ZSWIM5: variants seen among roughly 807,000 people sequenced by gnomAD.
ZSWIM5 encodes the protein zinc finger SWIM-type containing 5.
A neutral mutation model predicts 119.6 loss-of-function variants in ZSWIM5; 55 were observed. The ratio of observed to expected loss-of-function variants is 0.46; its 90% CI spans 0.37 to 0.58. The LOEUF is 0.58. Among genes scored for constraint, ZSWIM5 ranks in the 20% least tolerant of loss-of-function variants. ZSWIM5 has a pLI of 0.00. For synonymous variants in ZSWIM5, 537 were observed against 606.9 expected (o/e 0.88, Z 1.69); for missense variants, 1,193 against 1,512.8 (o/e 0.79, Z 3.51).
At chr1:45,092,551 C>CT (rs1322708379) in intron 1 of ZSWIM5, among the ~76,000 whole-genome samples, 1 of 121,560 alleles carries the variant, frequency 8.2e-6, no homozygotes, top group African/African-American at 3.1e-5. Context: ...CCCCCCCCCC[C>CT]GCCAGCCTTA....
intron 1 of ZSWIM5, among the ~76,000 whole-genome samples, chr1:45,191,541 C>T (rs762719353): frequency 9.9e-5 from 15 of 152,234 alleles, no homozygotes; most frequent in Non-Finnish European, 2.2e-4. Context: ...ATCCCAGCTG[C>T]AGAGCTCCCC....
Position 45,088,228 on chromosome 1 carries a change from A to C in ZSWIM5, c.605T>G (p.Leu202Arg), listed in dbSNP as rs751380301. ...VENVLQVGFH[L>R]SGTVTELATA... ...GGCCAGCTCAGTTACTGTGCCACTC[A>C]GATGAAAGCCTAAGGAAACACAAAA... The change falls in exon 2 of 14, where the codon CTG (leucine) becomes CGG (arginine). Residue 202 changes from leucine (L) to arginine (R), a missense_variant. Physicochemically the swap from Leu to Arg is moderately radical, Grantham distance 102 (BLOSUM62 -2). This residue lies in a region of ZSWIM5 where 961 missense variants were observed against 1,290.0 expected (regional missense o/e 0.74). Transcript: ENST00000359600. This position sits in a 1 kb window ranked among gnomAD's most constrained non-coding sequence, Gnocchi z 4.2. 2 of 1,593,230 alleles carry C rather than the reference A, an allele frequency of 1.3e-6. No homozygotes were observed. Among genetic ancestry groups the C allele is most frequent in the Non-Finnish European group, 1.7e-6 (2 of 1,168,460 alleles).
chr1:45,079,061 C>T (rs994369786), intron 2 of ZSWIM5, among the ~76,000 whole-genome samples: 11 of 152,166 alleles, frequency 7.2e-5, no homozygotes, highest in African/African-American at 2.2e-4. Flanking sequence ...TGAAAATGGC[C>T]GGTCCCTGCC....
chr1:45,149,746 T>C (rs1645784912), intron 1 of ZSWIM5, among the ~76,000 whole-genome samples: 2 of 152,212 alleles, frequency 1.3e-5, no homozygotes, highest in South Asian at 4.1e-4. Context: ...ATAACATCTA[T>C]CTTCATAATA....
intron 1 of ZSWIM5, among the ~76,000 whole-genome samples, chr1:45,200,477 C>T (rs1023051056): frequency 3.9e-4 from 59 of 151,686 alleles, no homozygotes; most frequent in Admixed American, 2.8e-3. Flanking sequence ...AATTGTAAAC[C>T]ATAGTAATTT....
At chr1:45,065,458 G>A (rs2149002429) in intron 2 of ZSWIM5, among the ~76,000 whole-genome samples, 1 of 152,300 alleles carries the variant, frequency 6.6e-6, no homozygotes, top group South Asian at 2.1e-4. Context: ...GAGAACATTT[G>A]GCACCCAGGT....
At chr1:45,069,058 T>TG (rs1425754419) in intron 2 of ZSWIM5, among the ~76,000 whole-genome samples, 1 of 151,894 alleles carries the variant, frequency 6.6e-6, no homozygotes, top group Admixed American at 6.6e-5. Flanking sequence ...GCGATCCTCC[T>TG]GCTTTGACCT....
intron 5 of ZSWIM5, among the ~76,000 whole-genome samples, chr1:45,049,452 GCTTTA>G (rs1449423705): frequency 6.6e-6 from 1 of 152,130 alleles, no homozygotes; most frequent in Non-Finnish European, 1.5e-5. Context: ...ATCTGAGAAG[GCTTTA>G]GAAGCAGCAA....
At chr1:45,042,757 C>G (rs565415122) in intron 6 of ZSWIM5, among the ~76,000 whole-genome samples, 1 of 152,148 alleles carries the variant, frequency 6.6e-6, no homozygotes, top group East Asian at 1.9e-4. Flanking sequence ...TTATCATGAA[C>G]GAAGGTAGGA....
chr1:45,129,156 T>TG (rs1570129434), intron 1 of ZSWIM5, among the ~76,000 whole-genome samples: 1 of 132,466 alleles, frequency 7.5e-6, no homozygotes, highest in East Asian at 2.0e-4. Flanking sequence ...ACATCTTGTT[T>TG]TTTTTTTTTT....
At chr1:45,049,906 A>G (rs1570026702) in intron 5 of ZSWIM5, among the ~76,000 whole-genome samples, 1 of 152,352 alleles carries the variant, frequency 6.6e-6, no homozygotes, top group South Asian at 2.1e-4. Flanking sequence ...AGGAAAGGGT[A>G]AAGAAGTGGC....
At chr1:45,154,491 G>C (rs868554135) in intron 1 of ZSWIM5, among the ~76,000 whole-genome samples, 2 of 152,206 alleles carry the variant, frequency 1.3e-5, no homozygotes, top group South Asian at 2.1e-4. Context: ...ATAAAGTGAG[G>C]AAAGGACACC....
At chr1:45,178,191 T>G (rs1645992526) in intron 1 of ZSWIM5, among the ~76,000 whole-genome samples, 1 of 151,970 alleles carries the variant, frequency 6.6e-6, no homozygotes, top group Admixed American at 6.6e-5. Flanking sequence ...TTTCGGAGGC[T>G]GAGGCAAGCG....
chr1:45,018,902 G>C lies in ZSWIM5; in HGVS notation c.3110C>G (p.Pro1037Arg). The part of the protein sequence containing the change: ...LNLAYNQDTH[P>R]AINDVLWACA... Reference sequence around the variant, plus strand: ...AGCCCAGAGCACATCATTGATGGCTGGGTGAGTATCCTGGTTGTAGGCCAG... The same window carrying C: ...AGCCCAGAGCACATCATTGATGGCTCGGTGAGTATCCTGGTTGTAGGCCAG... The change falls in exon 14 of 14, where the codon CCA (proline) becomes CGA (arginine). Residue 1037 changes from proline to arginine, a missense_variant. Coordinates refer to ENST00000359600, the MANE Select transcript of ZSWIM5 (RefSeq NM_020883.2). This position sits in a 1 kb window ranked among gnomAD's most constrained non-coding sequence, Gnocchi z 6.7. 6.2e-7 allele frequency: 1 copy of C among 1,614,246 alleles called. No individual in the cohort carries two copies. Among genetic ancestry groups the C allele is most frequent in the Non-Finnish European group, 8.5e-7 (1 of 1,180,042 alleles).
chr1:45,134,314 TATAA>T (rs1487383733), intron 1 of ZSWIM5, among the ~76,000 whole-genome samples: 4 of 152,230 alleles, frequency 2.6e-5, no homozygotes, highest in African/African-American at 9.6e-5. Context: ...TTTACATTAA[TATAA>T]ATAAATAACT....
chr1:45,156,096 A>G (rs548620099), intron 1 of ZSWIM5, among the ~76,000 whole-genome samples: 19 of 152,172 alleles, frequency 1.2e-4, no homozygotes, highest in Non-Finnish European at 2.2e-4. Context: ...AACATGGTAT[A>G]TATACACCAT....
chr1:45,121,349 CTCTTAT>C (rs1465834857), intron 1 of ZSWIM5, among the ~76,000 whole-genome samples: 2 of 152,148 alleles, frequency 1.3e-5, no homozygotes, highest in African/African-American at 4.8e-5. Context: ...TCTCTGTAGG[CTCTTAT>C]TCCTCTGCCT....
chr1:45,069,361 G>A (rs1289180045), intron 2 of ZSWIM5, among the ~76,000 whole-genome samples: 1 of 151,624 alleles, frequency 6.6e-6, no homozygotes, highest in Non-Finnish European at 1.5e-5. Flanking sequence ...GGGAGGCGGA[G>A]CTTGCAGTGA....
intron 2 of ZSWIM5, among the ~76,000 whole-genome samples, chr1:45,077,818 A>G (rs995617616): frequency 6.6e-6 from 1 of 152,216 alleles, no homozygotes; most frequent in South Asian, 2.1e-4. Flanking sequence ...CCATGCTGAG[A>G]AAAAGAATTC....
Sources: gnomAD v4.1 joint callset for allele counts (sites outside exome capture counted in the v4.1 genomes callset) on GRCh38, gnomAD v4.1.1 for gene constraint, gnomAD v4.1.1 regional missense constraint, Gnocchi (gnomAD v3.1) non-coding constraint, MANE v1.5 for transcripts, NCBI Gene and HGNC (gene_info 2026-07-23, HGNC 2026-07-21) for gene names.